The following RGS22 variants were observed in gnomAD, a reference collection of about 807,000 sequenced individuals.
RGS22 encodes regulator of G protein signaling 22, also known as regulator of G-protein signaling 22.
In RGS22, 148 loss-of-function variants were observed where a neutral mutation model predicts 172.9. The observed-to-expected ratio is 0.86, with a 90% confidence interval of 0.75 to 0.98. RGS22 has a LOEUF of 0.98. Among genes scored for constraint, RGS22 ranks in the 50% least tolerant of loss-of-function variants. RGS22 has a pLI of 0.00. For missense variants in RGS22, 1,347 were observed against 1,440.8 expected (o/e 0.93, Z 1.05); for synonymous variants, 458 against 480.2 (o/e 0.95, Z 0.60).
chr8:100,056,150 T>C (rs1451585083), intron 9 of RGS22, among the ~76,000 whole-genome samples: 1 of 152,178 alleles, frequency 6.6e-6, no homozygotes, highest in Non-Finnish European at 1.5e-5. Flanking sequence ...CAAAGGTGAC[T>C]CTTGCTATGT....
At chr8:100,089,252 G>C (rs1240984689) in intron 3 of RGS22, among the ~76,000 whole-genome samples, 1 of 150,570 alleles carries the variant, frequency 6.6e-6, no homozygotes, top group Non-Finnish European at 1.5e-5. Context: ...CTCATAAGAT[G>C]ATTTTCTAAC....
intron 2 of RGS22, among the ~76,000 whole-genome samples, chr8:100,094,420 T>G (rs199853916): frequency 6.6e-6 from 1 of 152,110 alleles, no homozygotes; most frequent in East Asian, 1.9e-4. Flanking sequence ...AAGTATATAG[T>G]GCTATCAGGA....
intron 7 of RGS22, among the ~76,000 whole-genome samples, chr8:100,064,596 A>G (rs1276344542): frequency 6.6e-6 from 1 of 152,216 alleles, no homozygotes; most frequent in Admixed American, 6.5e-5. Flanking sequence ...ATGGTGGCAG[A>G]TGGACTAAAT....
In RGS22 at chr8:100,072,150, T is replaced by C. The variant is rs1472480650; in HGVS notation, c.420A>G (p.Glu140=). 1 of 1,581,146 alleles carries C rather than the reference T, an allele frequency of 6.3e-7. No homozygotes were observed. The highest frequency in any genetic ancestry group is 8.6e-7 in the Non-Finnish European group (1 of 1,157,810). Residue 140 remains glutamate (E), a synonymous_variant, in exon 5 of 28, where the codon GAA becomes GAG. Transcript: ENST00000360863. The stretch of plus-strand genomic sequence containing the variant: ...TATTGATGGGACTATAGTACCTGTA[T>C]TCAAAGTAACAATCACTTTCCAGAA... ...PAFLESDCYF[E]YRLAKLVSQV...
intron 13 of RGS22, 106 bp from the exon 14 acceptor site, chr8:100,039,138 A>G (rs1361840749): frequency 2.0e-6 from 1 of 502,126 alleles, no homozygotes; most frequent in African/African-American, 2.0e-5. Flanking sequence ...CTGTTACCAT[A>G]AATCAGGTTC....
chr8:99,986,638 A>C (rs1813128380), intron 21 of RGS22, among the ~76,000 whole-genome samples: 1 of 152,224 alleles, frequency 6.6e-6, no homozygotes, highest in Non-Finnish European at 1.5e-5. Flanking sequence ...CTGTATGATT[A>C]CATTAAACAC....
At chr8:100,071,629 C>A in intron 5 of RGS22, 92 bp from the exon 6 acceptor site, 1 of 880,268 alleles carries the variant, frequency 1.1e-6, no homozygotes, top group East Asian at 2.7e-5. Context: ...TCAAGCCAAT[C>A]TCCTCTCCTC....
chr8:99,996,327 C>T, intron 20 of RGS22, 135 bp downstream of exon 20: 1 of 664,856 alleles, frequency 1.5e-6, no homozygotes, highest in Non-Finnish European at 2.6e-6. Flanking sequence ...CAATTAAAAA[C>T]AGTATCAGTG....
chr8:99,996,124 T>C (rs953414422), intron 20 of RGS22, among the ~76,000 whole-genome samples: 1 of 24,918 alleles, frequency 4.0e-5, no homozygotes, highest in Admixed American at 4.3e-4. Context: ...GGTGGGGGGC[T>C]GGGGGAGGGG....
chr8:99,984,755 T>G (rs1588904789), intron 21 of RGS22, among the ~76,000 whole-genome samples: 1 of 151,064 alleles, frequency 6.6e-6, no homozygotes, highest in East Asian at 1.9e-4. Flanking sequence ...TAATAAATAT[T>G]TGTTGGATAA....
chr8:99,963,285 G>T (rs1810400357), intron 24 of RGS22, among the ~76,000 whole-genome samples: 1 of 152,116 alleles, frequency 6.6e-6, no homozygotes, highest in South Asian at 2.1e-4. Context: ...TCCCTGGTTT[G>T]CAGGGAGGAG....
chr8:100,078,942 T>C (rs1030541757), intron 4 of RGS22, among the ~76,000 whole-genome samples: 1 of 152,228 alleles, frequency 6.6e-6, no homozygotes, highest in Non-Finnish European at 1.5e-5. Context: ...TCATTACTTA[T>C]GCCTCTTTCT....
chr8:100,016,978 CTTTTTTTTTTTTTTTTTTT>C (rs71274949), intron 14 of RGS22, among the ~76,000 whole-genome samples: 26 of 36,110 alleles, frequency 7.2e-4, no homozygotes, highest in South Asian at 2.3e-3. Flanking sequence ...CCTTACCAGT[CTTTTTTTTTTTTTTTTTTT>C]TTTTTTTTTT....
intron 3 of RGS22, among the ~76,000 whole-genome samples, chr8:100,090,421 T>C (rs1192464062): frequency 6.6e-6 from 1 of 151,794 alleles, no homozygotes; most frequent in Non-Finnish European, 1.5e-5. Flanking sequence ...TAATGTGAAA[T>C]GAGATATAAA....
chr8:100,048,003 T>A (rs1327508989), intron 10 of RGS22, among the ~76,000 whole-genome samples: 4 of 151,682 alleles, frequency 2.6e-5, no homozygotes, highest in Non-Finnish European at 5.9e-5. Context: ...GGCAGGGAAA[T>A]GAAACAAAGA....
chr8:100,104,054 G>A (rs1027698159), intron 2 of RGS22, among the ~76,000 whole-genome samples: 8 of 152,070 alleles, frequency 5.3e-5, no homozygotes, highest in Non-Finnish European at 7.4e-5. Context: ...ACAGTGGCTC[G>A]GGCCTGTAAT....
chr8:100,033,139 C>T (rs1487992817), intron 14 of RGS22, among the ~76,000 whole-genome samples: 1 of 152,024 alleles, frequency 6.6e-6, no homozygotes, highest in African/African-American at 2.4e-5. Flanking sequence ...AATCCAAAAG[C>T]TAGCAGAAGA....
chr8:100,064,163 C>CCGGT (rs1222955583), intron 7 of RGS22, 120 bp from the exon 8 acceptor site: 15 of 711,820 alleles, frequency 2.1e-5, no homozygotes, highest in Non-Finnish European at 6.3e-6. Flanking sequence ...ACTGCATGGA[C>CCGGT]CGGTGTCTTA....
chr8:100,076,824 C>T (rs1811385376), intron 4 of RGS22, among the ~76,000 whole-genome samples: 1 of 152,142 alleles, frequency 6.6e-6, no homozygotes, highest in Admixed American at 6.5e-5. Flanking sequence ...AAAACCCCAT[C>T]TCTACTAAAA....
Sources: gnomAD v4.1 joint callset for allele counts (sites outside exome capture counted in the v4.1 genomes callset) on GRCh38, gnomAD v4.1.1 for gene constraint, MANE v1.5 for transcripts, NCBI Gene and HGNC (gene_info 2026-07-23, HGNC 2026-07-21) for gene names.